The following CYP2J2 variants were observed in gnomAD, a reference collection of about 807,000 sequenced individuals.
CYP2J2 encodes cytochrome P450 family 2 subfamily J member 2.
A neutral mutation model predicts 48.8 loss-of-function variants in CYP2J2; 41 were observed. The ratio of observed to expected loss-of-function variants is 0.84; its 90% confidence interval spans 0.66 to 1.09. CYP2J2 has a LOEUF of 1.09. Among genes scored for constraint, CYP2J2 ranks in the 50% least tolerant of loss-of-function variants. The pLI, the probability that CYP2J2 is intolerant of heterozygous loss-of-function variation, is 0.00. For synonymous variants in CYP2J2, 221 were observed against 227.1 expected (o/e 0.97, Z 0.24); for missense variants, 644 against 617.3 (o/e 1.04, Z -0.46).
At chr1:59,968,356 T>TG in the CYP2J2 span, among the ~76,000 whole-genome samples, 1 of 152,184 alleles carries the variant, frequency 6.6e-6, no homozygotes, top group Admixed American at 6.5e-5. Context: ...TTGCTTTTTC[T>TG]GTCTTGCCTC....
chr1:59,923,566 A>T (rs1320173664), intron 1 of CYP2J2, among the ~76,000 whole-genome samples: 1 of 152,190 alleles, frequency 6.6e-6, no homozygotes, highest in Non-Finnish European at 1.5e-5. Flanking sequence ...ATAGTCTCAA[A>T]ACAAACAAAA....
chr1:59,896,306 T>C (rs769095075), intron 8 of CYP2J2, among the ~76,000 whole-genome samples: 4 of 89,066 alleles, frequency 4.5e-5, no homozygotes, highest in Admixed American at 1.0e-4. Context: ...ATATATAAAA[T>C]ATATATATAT....
chr1:59,898,460 G>A (rs972500285), intron 8 of CYP2J2, among the ~76,000 whole-genome samples: 16 of 152,198 alleles, frequency 1.1e-4, no homozygotes, highest in African/African-American at 3.6e-4. Context: ...AGATATCCAG[G>A]GGGCCGAGCC....
the CYP2J2 span, among the ~76,000 whole-genome samples, chr1:59,955,691 T>C: frequency 6.6e-6 from 1 of 152,118 alleles, no homozygotes; most frequent in Non-Finnish European, 1.5e-5. Flanking sequence ...TATGTAGTAT[T>C]CTGGGCTAGA....
chr1:59,916,224 C>T (rs888650451), intron 1 of CYP2J2, 124 bp from the exon 2 acceptor site: 96 of 601,832 alleles, frequency 1.6e-4, no homozygotes, highest in Middle Eastern at 4.6e-4. Context: ...TGTGTGTGTA[C>T]GTGTGTGTGT....
the CYP2J2 span, among the ~76,000 whole-genome samples, chr1:59,945,454 C>G: frequency 6.6e-6 from 1 of 151,994 alleles, no homozygotes; most frequent in African/African-American, 2.4e-5. Context: ...CTCTATCTAT[C>G]TATGTATCTG....
intron 6 of CYP2J2, 52 bp downstream of exon 6, chr1:59,907,734 C>T (rs1339708252): frequency 6.2e-7 from 1 of 1,602,484 alleles, no homozygotes. Flanking sequence ...GGCAGCACAT[C>T]CCAGGAGGCA....
chr1:59,952,177 G>A, the CYP2J2 span, among the ~76,000 whole-genome samples: 1 of 152,154 alleles, frequency 6.6e-6, no homozygotes, highest in Non-Finnish European at 1.5e-5. Context: ...AGGAGCATGA[G>A]GGCAGGCTTC....
intron 1 of CYP2J2, among the ~76,000 whole-genome samples, chr1:59,925,792 A>G (rs1644558619): frequency 6.6e-6 from 1 of 152,208 alleles, no homozygotes; most frequent in Non-Finnish European, 1.5e-5. Context: ...TTGACCATTC[A>G]CTATTTTATC....
At chr1:59,957,704 C>A in the CYP2J2 span, among the ~76,000 whole-genome samples, 4 of 119,348 alleles carry the variant, frequency 3.4e-5, no homozygotes, top group East Asian at 2.3e-4. Flanking sequence ...ACACACACAC[C>A]ACACACACAC....
chr1:59,951,064 C>A, the CYP2J2 span, among the ~76,000 whole-genome samples: 8 of 152,212 alleles, frequency 5.3e-5, no homozygotes, highest in Middle Eastern at 3.4e-3. Context: ...GGCAACGTAC[C>A]TTTGTAAGGA....
chr1:59,915,875 C>A, intron 2 of CYP2J2, 63 bp downstream of exon 2: 2 of 1,491,034 alleles, frequency 1.3e-6, no homozygotes, highest in Middle Eastern at 1.8e-4. Flanking sequence ...CACCAAGGTG[C>A]CTTTAACAGA....
chr1:59,953,026 C>G, the CYP2J2 span, among the ~76,000 whole-genome samples: 1 of 152,128 alleles, frequency 6.6e-6, no homozygotes, highest in Non-Finnish European at 1.5e-5. Flanking sequence ...TAAGTAAGAC[C>G]ATAGAGTTAG....
the CYP2J2 span, among the ~76,000 whole-genome samples, chr1:59,968,670 T>C: frequency 2.6e-5 from 4 of 152,128 alleles, no homozygotes; most frequent in African/African-American, 9.7e-5. Flanking sequence ...GATGGAGCTG[T>C]GGGAGGGGTG....
At chr1:59,931,962 A>G in the CYP2J2 span, among the ~76,000 whole-genome samples, 1 of 152,314 alleles carries the variant, frequency 6.6e-6, no homozygotes, top group African/African-American at 2.4e-5. Context: ...TTTGACAACT[A>G]GAAGCCATAA....
the CYP2J2 span, among the ~76,000 whole-genome samples, chr1:59,943,297 C>T: frequency 6.6e-6 from 1 of 152,092 alleles, no homozygotes; most frequent in Non-Finnish European, 1.5e-5. Context: ...AAGGAGCCAG[C>T]AAGAGCCCTG....
chr1:59,912,144 G>C lies in CYP2J2; in HGVS notation c.523+18C>G. 6.2e-7 allele frequency: 1 copy of C among 1,606,862 alleles called. No homozygotes were observed. On this transcript the variant is annotated intron_variant, in intron 3 of 8. Transcript: ENST00000371204. Reference sequence around the variant, plus strand: ...AAATGGGCCACAGTCTCTCACCTCTGTCATATGCAATGCTCACCGTTCTCC... The same window carrying C: ...AAATGGGCCACAGTCTCTCACCTCTCTCATATGCAATGCTCACCGTTCTCC...
chr1:59,921,516 T>C (rs1464190120), intron 1 of CYP2J2, among the ~76,000 whole-genome samples: 2 of 152,018 alleles, frequency 1.3e-5, no homozygotes, highest in Non-Finnish European at 2.9e-5. Context: ...GTGGAGAGCC[T>C]ATAAATGGAC....
chr1:59,969,159 GCAAA>G, the CYP2J2 span, among the ~76,000 whole-genome samples: 7 of 152,326 alleles, frequency 4.6e-5, no homozygotes, highest in African/African-American at 1.7e-4. Flanking sequence ...AAGATTTATT[GCAAA>G]CAGAGAAAGA....
Sources: gnomAD v4.1 joint callset for allele counts (sites outside exome capture counted in the v4.1 genomes callset) on GRCh38, gnomAD v4.1.1 for gene constraint, MANE v1.5 for transcripts, NCBI Gene and HGNC (gene_info 2026-07-23, HGNC 2026-07-21) for gene names.